The following AMN variants were observed in gnomAD, a reference collection of about 807,000 sequenced individuals.
The protein encoded by AMN is amnion associated transmembrane protein, also known as protein amnionless.
AMN carries 40 observed loss-of-function variants against 49.1 expected under a neutral mutation model. The observed-to-expected ratio is 0.81, with a 90% confidence interval of 0.63 to 1.06. The LOEUF (loss-of-function observed/expected upper bound fraction) is 1.06, where lower values mean the gene tolerates loss of function less well. Ranked by LOEUF, AMN falls within the 50% of genes least tolerant of loss-of-function variation. The pLI, the probability that AMN is intolerant of heterozygous loss-of-function variation, is 0.00. For synonymous variants in AMN, 380 were observed against 313.3 expected, an observed-to-expected ratio of 1.21 and a Z score of -2.25; for missense variants, 701 against 662.8, an observed-to-expected ratio of 1.06 and a Z score of -0.63.
rs1891300300 is a variant in AMN, at chr14:102,930,055, C to T, written c.975C>T (p.Ala325=). Residue 325 remains alanine, a synonymous_variant, in exon 9 of 12, where the codon GCC becomes GCT. Transcript: ENST00000299155. ...AGACAGGCGGAGCGGGGCGGCTGGC[C>T]CGGGCCCTCCTGGCGGACGTCGCCG... The part of the protein sequence containing the change: ...GPETGGAGRL[A]RALLADVAEN... 6.5e-7 allele frequency: 1 copy of T among 1,546,228 alleles called. No individual in the cohort carries two copies. Among genetic ancestry groups the T allele is most frequent in the Non-Finnish European group, 8.7e-7 (1 of 1,146,194 alleles).
chr14:102,923,897 G>T, intron 2 of AMN, 38 bp from the exon 3 acceptor site: 15 of 1,613,050 alleles, frequency 9.3e-6, no homozygotes, highest in Non-Finnish European at 1.3e-5. Flanking sequence ...CCCGGTGGGG[G>T]TTGCTCCCGG....
In AMN at chr14:102,930,733, G is replaced by C; in HGVS notation, c.*53G>C. The C allele has an allele frequency of 6.6e-7, 1 of 1,518,892 alleles. No homozygotes were observed. The highest frequency in any genetic ancestry group is 1.2e-5 in the South Asian group (1 of 83,470). 94.1% of individuals were successfully genotyped at this position (1,518,892 alleles called of 1,614,324 possible). A position where few individuals can be genotyped will look rare whatever the true frequency, so the allele number is the denominator to read the frequency against. On this transcript the variant is annotated 3_prime_UTR_variant, in exon 12 of 12. Transcript: ENST00000299155. Reference sequence around the variant, plus strand: ...CTCTCCACCCGCTCTGGCCCCAGTCGAACTGGGGGCTAGCCACCTCCTCGT... The same window carrying C: ...CTCTCCACCCGCTCTGGCCCCAGTCCAACTGGGGGCTAGCCACCTCCTCGT...
chr14:102,924,054 C>T, intron 3 of AMN, 75 bp downstream of exon 3: 1 of 1,601,452 alleles, frequency 6.2e-7, no homozygotes, highest in South Asian at 1.1e-5. Flanking sequence ...ACTGCTGTGC[C>T]TTGAGGGCGG....
chr14:102,929,107 C>T lies in AMN; in HGVS notation c.514-14C>T, dbSNP rs1891266135. ...TCCTCGGGCTGGCTCCGGTGGGGAC[C>T]CGGCTGCCCGCAGACGTTCACGCGC... On this transcript the variant is annotated splice_polypyrimidine_tract_variant and intron_variant, in intron 5 of 11. Transcript: ENST00000299155. The T allele has an allele frequency of 1.9e-6, 3 of 1,597,598 alleles. No homozygotes were observed. Among genetic ancestry groups the T allele is most frequent in the African/African-American group, 1.3e-5 (1 of 75,028 alleles).
At chr14:102,923,078 G>C (rs527453559) in intron 1 of AMN, 23 of 306,258 alleles carry the variant, frequency 7.5e-5, no homozygotes, top group South Asian at 1.6e-4. Flanking sequence ...TGCGGGGCTC[G>C]GCAGACCGCC....
chr14:102,926,006 C>T (rs993837964), intron 3 of AMN, among the ~76,000 whole-genome samples: 8 of 152,190 alleles, frequency 5.3e-5, no homozygotes, highest in South Asian at 4.1e-4. Context: ...CCTTGCCCTT[C>T]CTCCCATTTC....
chr14:102,928,630 T>A, intron 4 of AMN, 117 bp downstream of exon 4: 1 of 1,487,474 alleles, frequency 6.7e-7, no homozygotes, highest in East Asian at 2.4e-5. Context: ...GGGGCGTGGT[T>A]TAGGGAGTGG....
At position 102,928,407 on chromosome 14, in the gene AMN, C is replaced by CA. The variant is rs1891236778; in HGVS notation, c.208-18dup. The stretch of plus-strand genomic sequence containing the variant: ...CCCGGACCCCCGCGTGGCGCCGCCT[C>CA]AGCCCGTGTCTCTTGCAGCTCCTGC... On this transcript the variant is annotated intron_variant, in intron 3 of 11. Coordinates refer to ENST00000299155, the MANE Select transcript of AMN (RefSeq NM_030943.4). The CA allele has an allele frequency of 4.4e-6, 7 of 1,577,700 alleles. No individual in the cohort carries two copies. The Admixed American group carries it at 1.3e-4, about 29-fold the overall frequency.
At chr14:102,930,115 C>T in intron 9 of AMN, 29 bp downstream of exon 9, 1 of 1,506,408 alleles carries the variant, frequency 6.6e-7, no homozygotes, top group South Asian at 1.3e-5. Context: ...TCCCGCCCCG[C>T]CGCGCCTCGC....
intron 3 of AMN, 57 bp downstream of exon 3, chr14:102,924,036 C>T: frequency 1.2e-6 from 2 of 1,611,212 alleles, no homozygotes; most frequent in Non-Finnish European, 8.5e-7. Flanking sequence ...TCTGAAGCGC[C>T]TTCAGGGACT....
chr14:102,930,837 C>A lies in AMN; in HGVS notation c.*157C>A. ...GTGGCCTTACTCAGTAAAGGTGTTT[C>A]CTGCACCTGCTGTCAGCCTGGCTAT... On this transcript the variant is annotated 3_prime_UTR_variant, in exon 12 of 12. Coordinates refer to ENST00000299155, the MANE Select transcript of AMN (RefSeq NM_030943.4). 1.2e-6 allele frequency: 1 copy of A among 829,194 alleles called. No homozygotes were observed. The allele number at this position is 829,194 out of a possible 1,614,324, so 51.4% of individuals were successfully genotyped here. A position where few individuals can be genotyped will look rare whatever the true frequency, so the allele number is the denominator to read the frequency against.
rs1324180351 is a variant in AMN at position 102,930,067 on chromosome 14, G to A, written c.987G>A (p.Leu329=). Residue 329 remains leucine (L), a synonymous_variant, in exon 9 of 12, where the codon CTG becomes CTA. Coordinates refer to ENST00000299155, the MANE Select transcript of AMN (RefSeq NM_030943.4). Reference sequence around the variant, plus strand: ...CGGGGCGGCTGGCCCGGGCCCTCCTGGCGGACGTCGCCGAGAACGGTAACC... The same window carrying A: ...CGGGGCGGCTGGCCCGGGCCCTCCTAGCGGACGTCGCCGAGAACGGTAACC... The part of the protein sequence containing the change: ...GGAGRLARAL[L]ADVAENGEAL... 6.5e-7 allele frequency: 1 copy of A among 1,543,342 alleles called. No individual in the cohort carries two copies. The highest frequency in any genetic ancestry group is 1.4e-5 in the African/African-American group (1 of 72,700).
At chr14:102,930,371 G>C in intron 10 of AMN, 35 bp from the exon 11 acceptor site, 1 of 1,482,668 alleles carries the variant, frequency 6.7e-7, no homozygotes, top group Non-Finnish European at 8.9e-7. Context: ...GGGTTGCTCC[G>C]AGGGGCTCAC....
At chr14:102,923,279 C>T (rs939536621) in intron 1 of AMN, 1 of 292,622 alleles carries the variant, frequency 3.4e-6, no homozygotes, top group Middle Eastern at 1.2e-3. Flanking sequence ...CCGGGTTGCG[C>T]TCTGTCGCAG....
At position 102,923,937 on chromosome 14, in the gene AMN, G is replaced by A. The variant is rs61731158; in HGVS notation, c.165G>A (p.Met55Ile). Residue 55 changes from methionine to isoleucine, a missense_variant and splice_region_variant, in exon 3 of 12, where the codon ATG becomes ATA. Transcript: ENST00000299155. ...GCTGAGGCAGCTTCTTCCTGCAGATGGTGTCAGTCCTGGTGCAAGAAGGTC... is the reference window on the plus strand; with the variant it reads ...GCTGAGGCAGCTTCTTCCTGCAGATAGTGTCAGTCCTGGTGCAAGAAGGTC... ...GGAVEFPADK[M>I]VSVLVQEGHA... is the part of the protein sequence containing the mutation. 1,398 of 1,613,200 alleles carry A rather than the reference G, an allele frequency of 8.7e-4. 15 individuals are homozygous for A. In the African/African-American group the frequency reaches 0.016, roughly 19 times the overall value.
intron 4 of AMN, 50 bp downstream of exon 4, chr14:102,928,563 G>A: frequency 6.4e-7 from 1 of 1,559,230 alleles, no homozygotes; most frequent in Non-Finnish European, 8.7e-7. Context: ...GTTCAGGGGC[G>A]GGGACTGGAG....
rs1187767834 is a variant in AMN at position 102,929,999 on chromosome 14, A to G, written c.919A>G (p.Ile307Val). The stretch of plus-strand genomic sequence containing the variant: ...CCGGCTCCGTGAGGCCGATACGGAG[A>G]TCCAGGTGGTGCTGGTGGAGAATGG... Reference protein sequence around the residue: ...SSRLREADTEIQVVLVENGPE... With the variant: ...SSRLREADTEVQVVLVENGPE... The change falls in exon 9 of 12, where the codon ATC becomes GTC. Residue 307 changes from isoleucine to valine, a missense_variant. Coordinates refer to ENST00000299155, the MANE Select transcript of AMN (RefSeq NM_030943.4). The G allele has an allele frequency of 3.8e-6, 6 of 1,561,302 alleles. No homozygotes were observed. The highest frequency in any genetic ancestry group is 1.4e-5 in the African/African-American group (1 of 73,450).
chr14:102,930,642 G>C lies in AMN; in HGVS notation c.1324G>C (p.Val442Leu). 6.2e-7 allele frequency: 1 copy of C among 1,601,206 alleles called. No individual in the cohort carries two copies. The highest frequency in any genetic ancestry group is 1.1e-5 in the South Asian group (1 of 89,080). The change falls in exon 12 of 12, where the codon GTC becomes CTC. Residue 442 changes from valine to leucine, a missense_variant. Transcript: ENST00000299155. ...AADSTSHSYF[V>L]NPLFAGAEAE... ...AGACAGCACCAGCCACAGTTACTTC[G>C]TCAACCCTCTGTTCGCCGGGGCCGA...
chr14:102,928,498 C>A lies in AMN; in HGVS notation c.280C>A (p.Leu94Met). 6.2e-7 allele frequency: 1 copy of A among 1,608,788 alleles called. No individual in the cohort carries two copies. Residue 94 changes from leucine (L) to methionine (M), a missense_variant, in exon 4 of 12, where the codon CTG (leucine) becomes ATG (methionine). By Grantham distance (15) the Leu-to-Met change is conservative (BLOSUM62 2). Transcript: ENST00000299155. ...CGGCGTCTCAGACGTGGGCTCGCACCTGGACTGTGGCGCGGGTGAGGCGGT... is the reference window on the plus strand; with the variant it reads ...CGGCGTCTCAGACGTGGGCTCGCACATGGACTGTGGCGCGGGTGAGGCGGT... Reference protein sequence around the residue: ...GFGVSDVGSHLDCGAGEPAVF... With the variant: ...GFGVSDVGSHMDCGAGEPAVF...
Sources: allele counts gnomAD v4.1 joint callset (sites outside exome capture counted in the v4.1 genomes callset), GRCh38; gene constraint gnomAD v4.1.1; transcripts MANE v1.5; gene names NCBI Gene and HGNC (gene_info 2026-07-23, HGNC 2026-07-21).